The following NAA80 variants were observed in gnomAD, a reference collection of about 807,000 sequenced individuals.
NAA80 encodes N-alpha-acetyltransferase 80.
A neutral mutation model predicts 8.7 loss-of-function variants in NAA80; 5 were observed. The observed-to-expected ratio is 0.58, with a 90% CI of 0.30 to 1.21. The LOEUF is 1.21. NAA80 is among the 50% of genes most tolerant of loss of function. NAA80 has a pLI of 0.07. For missense variants in NAA80, 360 were observed against 368.6 expected (o/e 0.98, Z 0.19); for synonymous variants, 149 against 156.6 (o/e 0.95, Z 0.36).
Position 50,297,830 on chromosome 3 carries a change from G to A in NAA80, c.-209-158C>T. ...ACCTGATAGCACAGGTGACCTGGAA[G>A]AGACCCATCCCCTATAGAGCAGGGC... On this transcript the variant is annotated intron_variant, in intron 1 of 1. Transcript: ENST00000443094. This position sits in a 1 kb window ranked among gnomAD's most constrained non-coding sequence, Gnocchi z 4.3. 2 of 1,115,912 alleles carry A rather than the reference G, an allele frequency of 1.8e-6. No individual in the cohort carries two copies. Among genetic ancestry groups the A allele is most frequent in the Non-Finnish European group, 2.2e-6 (2 of 913,582 alleles). 69.1% of individuals were successfully genotyped at this position (1,115,912 alleles called of 1,614,324 possible).
At chr3:50,298,804 G>A in intron 1 of NAA80, 3 of 1,130,814 alleles carry the variant, frequency 2.7e-6, no homozygotes, top group Non-Finnish European at 3.3e-6. Flanking sequence ...CCATTCACAG[G>A]GCTGTAAGCC....
Position 50,299,218 on chromosome 3 carries a change from G to C in NAA80, c.-215C>G, listed in dbSNP as rs782251000. On this transcript the variant is annotated 5_prime_UTR_variant, in exon 1 of 2. In the 5' UTR this introduces an upstream ATG that the reference lacks. Coordinates refer to ENST00000443094, the MANE Select transcript of NAA80 (RefSeq NM_001200016.2). ...GGGAAGGGTGCGGTACTGACATGTT[G>C]ATGCTGGCCTCTGGGATGTTCCGCG... 1.2e-6 allele frequency: 2 copies of C among 1,614,176 alleles called. No homozygotes were observed. Among genetic ancestry groups the C allele is most frequent in the South Asian group, 2.2e-5 (2 of 91,086 alleles).
At position 50,299,148 on chromosome 3, in the gene NAA80, C is replaced by T. The variant is rs782036333; in HGVS notation, c.-210+65G>A. 3.2e-4 allele frequency: 519 copies of T among 1,613,662 alleles called. 2 individuals are homozygous for T. The highest frequency in any genetic ancestry group is 4.7e-5 in the Non-Finnish European group (56 of 1,179,984). ...GGGGAGGGCGTGCAGGGTGGCATGG[C>T]CACTTGGGGACCGCACGCGCGGGGT... On this transcript the variant is annotated intron_variant, in intron 1 of 1. Coordinates refer to ENST00000443094, the MANE Select transcript of NAA80 (RefSeq NM_001200016.2).
chr3:50,297,210 CG>C lies in NAA80; in HGVS notation c.253del (p.Arg85AlafsTer21). On this transcript the variant is annotated frameshift_variant, in exon 2 of 2. Transcript: ENST00000443094. LOFTEE classifies it high-confidence loss of function. This position sits in a 1 kb window ranked among gnomAD's most constrained non-coding sequence, Gnocchi z 4.3. The part of the protein sequence containing the change: ...CADLINDQWP[R>X]SRTSRLHSLG... ...GGAGTGCAGGCGGGAGGTGCGGCTG[CG>C]GGGCCACTGATCATTGATGAGGTCA... 6.2e-7 allele frequency: 1 copy of C among 1,612,598 alleles called. No homozygotes were observed. The highest frequency in any genetic ancestry group is 8.5e-7 in the Non-Finnish European group (1 of 1,179,194).
At position 50,297,139 on chromosome 3, in the gene NAA80, T is replaced by G; in HGVS notation, c.325A>C (p.Ser109Arg). ...GCTGCTTCAAGTGTGGGGTGGGGGC[T>G]TAGCAGCATCAGGCAGAGGGGGAAG... ...DAFPLCLMLL[S>R]PHPTLEAAPV... The change falls in exon 2 of 2, where the codon AGC becomes CGC. Residue 109 changes from serine to arginine, a missense_variant. Transcript: ENST00000443094. The surrounding 1 kb of genome is among the most constrained non-coding windows in gnomAD (Gnocchi z 4.3). 1.9e-6 allele frequency: 3 copies of G among 1,585,942 alleles called. No homozygotes were observed. Among genetic ancestry groups the G allele is most frequent in the Non-Finnish European group, 2.6e-6 (3 of 1,164,232 alleles).
chr3:50,299,221 G>A lies in NAA80; in HGVS notation c.-218C>T. The A allele has an allele frequency of 1.9e-6, 3 of 1,614,166 alleles. No homozygotes were observed. The highest frequency in any genetic ancestry group is 2.5e-6 in the Non-Finnish European group (3 of 1,180,016). Reference sequence around the variant, plus strand: ...AAGGGTGCGGTACTGACATGTTGATGCTGGCCTCTGGGATGTTCCGCGTCC... The same window carrying A: ...AAGGGTGCGGTACTGACATGTTGATACTGGCCTCTGGGATGTTCCGCGTCC... On this transcript the variant is annotated 5_prime_UTR_variant, in exon 1 of 2. Coordinates refer to ENST00000443094, the MANE Select transcript of NAA80 (RefSeq NM_001200016.2).
At position 50,299,217 on chromosome 3, in the gene NAA80, T is replaced by C. The variant is rs1702014548; in HGVS notation, c.-214A>G. ...TGGGAAGGGTGCGGTACTGACATGT[T>C]GATGCTGGCCTCTGGGATGTTCCGC... On this transcript the variant is annotated 5_prime_UTR_variant, in exon 1 of 2. Coordinates refer to ENST00000443094, the MANE Select transcript of NAA80 (RefSeq NM_001200016.2). 2 of 1,614,042 alleles carry C rather than the reference T, an allele frequency of 1.2e-6. No homozygotes were observed. The highest frequency in any genetic ancestry group is 2.2e-5 in the South Asian group (2 of 91,090).
chr3:50,297,105 A>G lies in NAA80; in HGVS notation c.359T>C (p.Val120Ala), dbSNP rs782329670. Residue 120 changes from valine (V) to alanine (A), a missense_variant, in exon 2 of 2, where the codon GTG becomes GCG. Coordinates refer to ENST00000443094, the MANE Select transcript of NAA80 (RefSeq NM_001200016.2). This position sits in a 1 kb window ranked among gnomAD's most constrained non-coding sequence, Gnocchi z 4.3. Reference sequence around the variant, plus strand: ...CCGTGACAGGCGGGCATGGCCCACCACAACGGGTGCTGCTTCAAGTGTGGG... The same window carrying G: ...CCGTGACAGGCGGGCATGGCCCACCGCAACGGGTGCTGCTTCAAGTGTGGG... ...PHPTLEAAPV[V>A]VGHARLSRVL... The G allele has an allele frequency of 1.3e-6, 2 of 1,552,924 alleles. No homozygotes were observed. The highest frequency in any genetic ancestry group is 3.8e-5 in the Admixed American group (2 of 52,642).
In NAA80 at chr3:50,297,157, G is replaced by A. The variant is rs782442485; in HGVS notation, c.307C>T (p.Leu103Phe). The change falls in exon 2 of 2, where the codon CTC (leucine) becomes TTC (phenylalanine). Residue 103 changes from leucine to phenylalanine, a missense_variant. Coordinates refer to ENST00000443094, the MANE Select transcript of NAA80 (RefSeq NM_001200016.2). This position sits in a 1 kb window ranked among gnomAD's most constrained non-coding sequence, Gnocchi z 4.3. The stretch of plus-strand genomic sequence containing the variant: ...TGGGGGCTTAGCAGCATCAGGCAGA[G>A]GGGGAAGGCATCTGAGGACTGGCCC... ...SLGQSSDAFP[L>F]CLMLLSPHPT... The A allele has an allele frequency of 4.5e-5, 72 of 1,601,654 alleles. No homozygotes were observed. The East Asian group carries it at 8.5e-4, about 19-fold the overall frequency.
Position 50,296,662 on chromosome 3 carries a change from C to T in NAA80, c.802G>A (p.Glu268Lys). 1 of 1,614,022 alleles carries T rather than the reference C, an allele frequency of 6.2e-7. No homozygotes were observed. The highest frequency in any genetic ancestry group is 8.5e-7 in the Non-Finnish European group (1 of 1,179,978). ...CCCCTCACATTTTGATATTGTGTCTCCAGCAGGCTTTTTGAAGGGGGCCCT... is the reference window on the plus strand; with the variant it reads ...CCCCTCACATTTTGATATTGTGTCTTCAGCAGGCTTTTTGAAGGGGGCCCT... ...PSGPPSKSLL[E>K]TQYQNVRGRP... Residue 268 changes from glutamate to lysine, a missense_variant, in exon 2 of 2, where the codon GAG becomes AAG. By Grantham distance (56) the Glu-to-Lys change is moderately conservative. Coordinates refer to ENST00000443094, the MANE Select transcript of NAA80 (RefSeq NM_001200016.2).
rs35833373 is a variant in NAA80, at chr3:50,297,109, C to T, written c.355G>A (p.Val119Ile). The T allele has an allele frequency of 5.3e-3, 8,195 of 1,554,724 alleles. 27 individuals carry two copies. Among genetic ancestry groups the T allele is most frequent in the Non-Finnish European group, 6.1e-3 (6,984 of 1,148,794 alleles). ...GACAGGCGGGCATGGCCCACCACAA[C>T]GGGTGCTGCTTCAAGTGTGGGGTGG... ...SPHPTLEAAP[V>I]VVGHARLSRV... The change falls in exon 2 of 2, where the codon GTT becomes ATT. Residue 119 changes from valine (V) to isoleucine (I), a missense_variant. By Grantham distance (29) the Val-to-Ile change is conservative. Transcript: ENST00000443094. This position sits in a 1 kb window ranked among gnomAD's most constrained non-coding sequence, Gnocchi z 4.3.
At position 50,296,685 on chromosome 3, in the gene NAA80, C is replaced by T. The variant is rs201771785; in HGVS notation, c.779G>A (p.Gly260Glu). The T allele has an allele frequency of 5.9e-5, 96 of 1,613,500 alleles. No individual in the cohort carries two copies. Among genetic ancestry groups the T allele is most frequent in the South Asian group, 4.4e-5 (4 of 91,066 alleles). Reference protein sequence around the residue: ...CLTISPPVPSGPPSKSLLETQ... With the variant: ...CLTISPPVPSEPPSKSLLETQ... Reference sequence around the variant, plus strand: ...CTCCAGCAGGCTTTTTGAAGGGGGCCCTGATGGAACTGGGGGTGAGATGGT... The same window carrying T: ...CTCCAGCAGGCTTTTTGAAGGGGGCTCTGATGGAACTGGGGGTGAGATGGT... The change falls in exon 2 of 2, where the codon GGG becomes GAG. Residue 260 changes from glycine to glutamate, a missense_variant. Physicochemically the swap from Gly to Glu is moderately conservative, Grantham distance 98. Coordinates refer to ENST00000443094, the MANE Select transcript of NAA80 (RefSeq NM_001200016.2).
chr3:50,298,711 C>G, intron 1 of NAA80: 4 of 988,064 alleles, frequency 4.0e-6, no homozygotes, highest in Non-Finnish European at 4.8e-6. Flanking sequence ...GAGGGGGCCT[C>G]CTGGCTCCCC....
chr3:50,298,037 A>G, intron 1 of NAA80: 1 of 985,708 alleles, frequency 1.0e-6, no homozygotes, highest in East Asian at 1.1e-4. Context: ...AGCCGACCCA[A>G]TCTACTTGCT....
In NAA80 at chr3:50,297,060, C is replaced by T. The variant is rs782211087; in HGVS notation, c.404G>A (p.Ser135Asn). The change falls in exon 2 of 2, where the codon AGC becomes AAC. Residue 135 changes from serine (S) to asparagine (N), a missense_variant. Physicochemically the swap from Ser to Asn is conservative, Grantham distance 46. Transcript: ENST00000443094. The surrounding 1 kb of genome is among the most constrained non-coding windows in gnomAD (Gnocchi z 4.3). ...CACCACCACTGTCTCCACTAAGAGG[C>T]TCTGGGGCTGGTTCAGCACCCGTGA... ...RLSRVLNQPQ[S>N]LLVETVVVAR... is the part of the protein sequence containing the mutation. 5 of 1,535,474 alleles carry T rather than the reference C, an allele frequency of 3.3e-6. No individual in the cohort carries two copies. The African/African-American group carries it at 4.2e-5, about 13-fold the overall frequency.
chr3:50,296,525 A>C lies in NAA80; in HGVS notation c.*78T>G. On this transcript the variant is annotated 3_prime_UTR_variant, in exon 2 of 2. Coordinates refer to ENST00000443094, the MANE Select transcript of NAA80 (RefSeq NM_001200016.2). Reference sequence around the variant, plus strand: ...CCCCCCAGGGGCTAGGGGCTGAGGTATGGTCAGTGGGCTGAGGCTTGTAGA... The same window carrying C: ...CCCCCCAGGGGCTAGGGGCTGAGGTCTGGTCAGTGGGCTGAGGCTTGTAGA... 6.6e-7 allele frequency: 1 copy of C among 1,508,112 alleles called. No homozygotes were observed. Among genetic ancestry groups the C allele is most frequent in the Non-Finnish European group, 9.1e-7 (1 of 1,099,622 alleles). The allele number at this position is 1,508,112 out of a possible 1,614,324, so 93.4% of individuals were successfully genotyped here. A position where few individuals can be genotyped will look rare whatever the true frequency, so the allele number is the denominator to read the frequency against.
At chr3:50,298,937 A>G in intron 1 of NAA80, 1 of 1,410,046 alleles carries the variant, frequency 7.1e-7, no homozygotes, top group Non-Finnish European at 9.2e-7. Flanking sequence ...TTCAGTGCCG[A>G]CCCCACCCAC....
Position 50,297,365 on chromosome 3 carries a change from G to A in NAA80, c.99C>T (p.Thr33=). ...TAAGCTCAGTTGGACCAGGATTGAA[G>A]GTCATCTCTGGTTGGCATGTGGAAT... ...PLDSTCQPEM[T]FNPGPTELTL... The change falls in exon 2 of 2, where the codon ACC becomes ACT. Residue 33 remains threonine (T), a synonymous_variant. Transcript: ENST00000443094. This position sits in a 1 kb window ranked among gnomAD's most constrained non-coding sequence, Gnocchi z 4.3. 2 of 1,613,138 alleles carry A rather than the reference G, an allele frequency of 1.2e-6. No individual in the cohort carries two copies. The highest frequency in any genetic ancestry group is 1.7e-6 in the Non-Finnish European group (2 of 1,179,524).
chr3:50,299,077 G>A (rs1559813423), intron 1 of NAA80, 136 bp downstream of exon 1: 3 of 1,606,172 alleles, frequency 1.9e-6, no homozygotes, highest in East Asian at 2.2e-5. Context: ...GCTCGACTCT[G>A]TGGGCAGGTG....
Sources: allele counts gnomAD v4.1 joint callset, GRCh38; gene constraint gnomAD v4.1.1; non-coding constraint Gnocchi (gnomAD v3.1); transcripts MANE v1.5; gene names NCBI Gene and HGNC (gene_info 2026-07-23, HGNC 2026-07-21).